Variants in ZNF444 observed in about 807,000 individuals in gnomAD.
The protein encoded by ZNF444 is endothelial zinc finger protein 2.
ZNF444 carries 8 observed loss-of-function variants against 14.4 expected under a neutral mutation model. That is an observed-to-expected ratio of 0.56 (90% CI 0.33 to 1.00). The LOEUF (loss-of-function observed/expected upper bound fraction) is 1.00, where lower values mean the gene tolerates loss of function less well. Ranked by LOEUF, ZNF444 falls within the 50% of genes least tolerant of loss-of-function variation. The pLI, the probability that ZNF444 is intolerant of heterozygous loss-of-function variation, is 0.03. For synonymous variants in ZNF444, 258 were observed against 235.9 expected (o/e 1.09, Z -0.86); for missense variants, 510 against 504.8 (o/e 1.01, Z -0.10).
chr19:56,154,886 A>G (rs2031812356), intron 3 of ZNF444: 1 of 152,248 alleles, frequency 6.6e-6, no homozygotes. Flanking sequence ...TCTCTCAGTT[A>G]GTACACAGAC....
At position 56,146,526 on chromosome 19, in the gene ZNF444, C is replaced by T. The variant is rs1250285147; in HGVS notation, c.-23+106C>T. The T allele has an allele frequency of 1.0e-4, 17 of 169,508 alleles. 1 individual carries two copies. Among genetic ancestry groups the T allele is most frequent in the Admixed American group, 6.4e-4 (10 of 15,720 alleles). The allele number at this position is 169,508 out of a possible 1,614,324, so 10.5% of individuals were successfully genotyped here. On this transcript the variant is annotated intron_variant, in intron 2 of 4. Transcript: ENST00000337080. Reference sequence around the variant, plus strand: ...GTCCCAGGCCGGGTGCAGTGGCTCACGCCTGTAATTCCCAGCACTTTGGGA... The same window carrying T: ...GTCCCAGGCCGGGTGCAGTGGCTCATGCCTGTAATTCCCAGCACTTTGGGA...
Position 56,144,021 on chromosome 19 carries a change from G to T in ZNF444, c.-196-2226G>T, listed in dbSNP as rs775391749. Among the ~76,000 whole-genome samples the T allele has an allele frequency of 2.0e-4, 31 of 152,184 alleles. No homozygotes were observed. The highest frequency in any genetic ancestry group is 3.9e-4 in the Admixed American group (6 of 15,280). On this transcript the variant is annotated intron_variant, in intron 1 of 4. Transcript: ENST00000337080. This position sits in a 1 kb window ranked among gnomAD's most constrained non-coding sequence, Gnocchi z 4.0. ...CCTTCGGTCCAAGAAGATAGAAAGT[G>T]AGCCAGACCGGGCACAGTGGCTCAC... is the stretch of plus-strand genomic sequence containing the variant.
chr19:56,144,960 G>A lies in ZNF444; in HGVS notation c.-196-1287G>A, dbSNP rs899883970. 1.3e-5 allele frequency among the ~76,000 whole-genome samples: 2 copies of A among 152,228 alleles called. No homozygotes were observed. The highest frequency in any genetic ancestry group is 2.9e-5 in the Non-Finnish European group (2 of 68,052). Reference sequence around the variant, plus strand: ...CAGTCTTGTCCTGTAAAGAGCCAGCGAGTGACTATCTTTGGCTCTGTGGAC... The same window carrying A: ...CAGTCTTGTCCTGTAAAGAGCCAGCAAGTGACTATCTTTGGCTCTGTGGAC... On this transcript the variant is annotated intron_variant, in intron 1 of 4. Transcript: ENST00000337080. The surrounding 1 kb of genome is among the most constrained non-coding windows in gnomAD (Gnocchi z 4.0).
intron 3 of ZNF444, chr19:56,151,727 G>C (rs533494514): frequency 7.2e-5 from 32 of 447,492 alleles, no homozygotes; most frequent in Middle Eastern, 6.6e-4. Flanking sequence ...GGGAGCTGAC[G>C]GTGGTGTATA....
intron 4 of ZNF444, 108 bp downstream of exon 4, chr19:56,158,710 C>A: frequency 9.4e-7 from 1 of 1,059,138 alleles, no homozygotes; most frequent in Non-Finnish European, 1.3e-6. Flanking sequence ...ACTTGGACCC[C>A]AGCCCTTGAG....
intron 3 of ZNF444, among the ~76,000 whole-genome samples, chr19:56,153,173 A>C (rs2123522194): frequency 6.6e-6 from 1 of 152,282 alleles, no homozygotes; most frequent in Non-Finnish European, 1.5e-5. Context: ...GACATTTGGG[A>C]ATCACAGCCT....
At chr19:56,152,719 T>G (rs1426342170) in intron 3 of ZNF444, among the ~76,000 whole-genome samples, 2 of 152,044 alleles carry the variant, frequency 1.3e-5, no homozygotes, top group African/African-American at 2.4e-5. Context: ...AACTCAGTGT[T>G]TGGTGAGGGT....
intron 1 of ZNF444, among the ~76,000 whole-genome samples, chr19:56,133,098 C>G (rs1170937566): frequency 3.3e-5 from 5 of 151,740 alleles, no homozygotes; most frequent in African/African-American, 1.2e-4. Context: ...CCACCATGCC[C>G]GGCTTATTTT....
chr19:56,134,896 C>A (rs1160169627), intron 1 of ZNF444, among the ~76,000 whole-genome samples: 1 of 151,558 alleles, frequency 6.6e-6, no homozygotes, highest in African/African-American at 2.4e-5. Flanking sequence ...GCAGGAGGAT[C>A]TCGTGAGGCC....
At chr19:56,132,573 A>G (rs1421652852), upstream of ZNF444, 2 of 152,246 alleles carry the variant, frequency 1.3e-5, no homozygotes, top group Non-Finnish European at 2.9e-5. Context: ...AGTTCAGCCC[A>G]GAACTCTAGC....
Position 56,154,080 on chromosome 19 carries a change from G to T in ZNF444, c.298-4414G>T, listed in dbSNP as rs114592862. Among the ~76,000 whole-genome samples the T allele has an allele frequency of 6.3e-3, 953 of 152,336 alleles. 13 individuals are homozygous for T. Among genetic ancestry groups the T allele is most frequent in the African/African-American group, 0.022 (900 of 41,568 alleles). ...GGATTTGACAACCGTTGAGAACACC[G>T]TGTTCAACGTACACAATGCATTCGA... On this transcript the variant is annotated intron_variant, in intron 3 of 4. Transcript: ENST00000337080.
chr19:56,160,020 A>G lies in ZNF444; in HGVS notation c.803A>G (p.His268Arg). The G allele has an allele frequency of 1.3e-6, 2 of 1,511,568 alleles. No individual in the cohort carries two copies. The highest frequency in any genetic ancestry group is 1.8e-6 in the Non-Finnish European group (2 of 1,135,672). The allele number at this position is 1,511,568 out of a possible 1,614,324, so 93.6% of individuals were successfully genotyped here. A position where few individuals can be genotyped will look rare whatever the true frequency, so the allele number is the denominator to read the frequency against. The change falls in exon 5 of 5, where the codon CAC (histidine) becomes CGC (arginine). Residue 268 changes from histidine (H) to arginine (R), a missense_variant. Transcript: ENST00000337080. Reference protein sequence around the residue: ...TFYWREHLVRHRKTHSGARPF... With the variant: ...TFYWREHLVRRRKTHSGARPF... ...TACTGGCGCGAGCACCTGGTGCGCC[A>G]CCGCAAGACGCACTCGGGAGCGCGG...
upstream of ZNF444, among the ~76,000 whole-genome samples, chr19:56,136,404 G>A (rs1599982464): frequency 6.6e-6 from 1 of 152,172 alleles, no homozygotes; most frequent in African/African-American, 2.4e-5. Flanking sequence ...TGTATGAAGT[G>A]AACAAATGCT....
At chr19:56,137,199 G>A (rs923767172), upstream of ZNF444, among the ~76,000 whole-genome samples, 1 of 151,728 alleles carries the variant, frequency 6.6e-6, no homozygotes. Flanking sequence ...GGCCTGGCGC[G>A]GTGGCTCACG....
At chr19:56,151,662 C>T (rs751963432) in intron 3 of ZNF444, 2 of 428,996 alleles carry the variant, frequency 4.7e-6, no homozygotes, top group East Asian at 7.7e-5. Flanking sequence ...GGTGTATAGA[C>T]AGCTGACATC....
chr19:56,138,459 C>G (rs2030661171), upstream of ZNF444, among the ~76,000 whole-genome samples: 1 of 151,668 alleles, frequency 6.6e-6, no homozygotes, highest in African/African-American at 2.4e-5. Context: ...AAACGCTGTC[C>G]CTACAAAAAA....
chr19:56,149,604 C>T (rs987863799), intron 3 of ZNF444, among the ~76,000 whole-genome samples: 4 of 152,170 alleles, frequency 2.6e-5, no homozygotes, highest in Admixed American at 6.5e-5. Flanking sequence ...CCCCACATGC[C>T]TTAGGTGTTT....
At chr19:56,136,282 C>T (rs1008122051) in intron 1 of ZNF444, among the ~76,000 whole-genome samples, 1 of 152,040 alleles carries the variant, frequency 6.6e-6, no homozygotes, top group Non-Finnish European at 1.5e-5. Context: ...TGCCCTCACC[C>T]ACTGTGCTAG....
At chr19:56,156,202 T>G (rs1399381880) in intron 3 of ZNF444, 3 of 152,284 alleles carry the variant, frequency 2.0e-5, no homozygotes, top group African/African-American at 7.2e-5. Context: ...GGACTTGGGA[T>G]GCACCATCCT....
Sources: gnomAD v4.1 joint callset for allele counts (sites outside exome capture counted in the v4.1 genomes callset) on GRCh38, gnomAD v4.1.1 for gene constraint, Gnocchi (gnomAD v3.1) non-coding constraint, MANE v1.5 for transcripts, NCBI Gene and HGNC (gene_info 2026-07-23, HGNC 2026-07-21) for gene names.